The following RNF148 variants were observed in gnomAD, a reference collection of about 807,000 sequenced individuals.
RNF148 encodes the protein ring finger protein 148.
Under a neutral mutation model 21.1 loss-of-function variants are expected in RNF148, and 16 were observed. The observed-to-expected ratio is 0.76, with a 90% CI of 0.51 to 1.15. The LOEUF (loss-of-function observed/expected upper bound fraction) is 1.15. Ranked by LOEUF, RNF148 falls within the 50% of genes most tolerant of loss-of-function variation. The pLI is 0.00. For missense variants in RNF148, 424 were observed against 374.2 expected (o/e 1.13, Z -1.10); for synonymous variants, 150 against 136.4 (o/e 1.10, Z -0.69).
Position 122,701,781 on chromosome 7 carries a change from T to C in RNF148, c.*52A>G. The C allele has an allele frequency of 5.9e-6, 7 of 1,194,278 alleles. No individual in the cohort carries two copies. Among genetic ancestry groups the C allele is most frequent in the Non-Finnish European group, 8.3e-6 (7 of 838,532 alleles). 74.0% of individuals were successfully genotyped at this position (1,194,278 alleles called of 1,614,324 possible). On this transcript the variant is annotated 3_prime_UTR_variant, in exon 1 of 1. Coordinates refer to ENST00000434824, the MANE Select transcript of RNF148 (RefSeq NM_198085.2). ...AAGTACAATAAGACAATTTATCTAA[T>C]CTTTGTATTTGGAAAGATCTGGTTA...
rs1338710123 is a variant in RNF148, at chr7:122,702,802, T to C, written c.-52A>G. 4 of 1,341,416 alleles carry C rather than the reference T, an allele frequency of 3.0e-6. No homozygotes were observed. Among genetic ancestry groups the C allele is most frequent in the African/African-American group, 1.5e-5 (1 of 67,782 alleles). 83.1% of individuals were successfully genotyped at this position (1,341,416 alleles called of 1,614,324 possible). On this transcript the variant is annotated 5_prime_UTR_variant, in exon 1 of 1. Coordinates refer to ENST00000434824, the MANE Select transcript of RNF148 (RefSeq NM_198085.2). ...ACATGAGAAAACAAAACAACATCAG[T>C]TGTAGAAGAACATAAAGAAGATAGC...
rs1230113197 is a variant in RNF148, at chr7:122,702,684, T to C, written c.67A>G (p.Ile23Val). ...TCAGGAAAGCTAAGTAGTAGAAAGA[T>C]ACTAAGCCTCAAAAGTCCAGATGAA... ...SVSSGLLRLSIFLLLSFPDSN... is the reference protein window; with the variant it reads ...SVSSGLLRLSVFLLLSFPDSN... The change falls in exon 1 of 1, where the codon ATC (isoleucine) becomes GTC (valine). Residue 23 changes from isoleucine (I) to valine (V), a missense_variant. Transcript: ENST00000434824. 6 of 1,613,032 alleles carry C rather than the reference T, an allele frequency of 3.7e-6. No individual in the cohort carries two copies. Among genetic ancestry groups the C allele is most frequent in the East Asian group, 2.2e-5 (1 of 44,846 alleles).
In RNF148 at chr7:122,702,253, C is replaced by T. The variant is rs199764715; in HGVS notation, c.498G>A (p.Ser166=). The part of the protein sequence containing the change: ...SNLKGMEILH[S]IQKGVYVTVI... ...CTGTCACATAGACTCCTTTCTGAATCGAGTGCAAAATTTCCATGCCTTTCA... is the reference window on the plus strand; with the variant it reads ...CTGTCACATAGACTCCTTTCTGAATTGAGTGCAAAATTTCCATGCCTTTCA... The change falls in exon 1 of 1, where the codon TCG becomes TCA. Residue 166 remains serine (S), a synonymous_variant. Coordinates refer to ENST00000434824, the MANE Select transcript of RNF148 (RefSeq NM_198085.2). 52 of 1,613,820 alleles carry T rather than the reference C, an allele frequency of 3.2e-5. No individual in the cohort carries two copies. The highest frequency in any genetic ancestry group is 4.2e-5 in the Non-Finnish European group (49 of 1,179,774).
chr7:122,701,726 G>T lies in RNF148; in HGVS notation c.*107C>A. The T allele has an allele frequency of 1.4e-6, 1 of 701,714 alleles. No homozygotes were observed. The highest frequency in any genetic ancestry group is 2.3e-6 in the Non-Finnish European group (1 of 425,646). 43.5% of individuals were successfully genotyped at this position (701,714 alleles called of 1,614,324 possible). ...AAATTTCACCCTTGTTCATACTTGG[G>T]TAGAGAAGCTGAAATTTTCTCTCTA... is the stretch of plus-strand genomic sequence containing the variant. On this transcript the variant is annotated 3_prime_UTR_variant, in exon 1 of 1. Transcript: ENST00000434824.
Position 122,702,577 on chromosome 7 carries a change from C to A in RNF148, c.174G>T (p.Glu58Asp), listed in dbSNP as rs530037531. ...VGNEITSELG[E>D]SGVFGNHSPL... ...GAGAATGATTCCCGAACACTCCACT[C>A]TCTCCTAATTCCGATGTGATCTCAT... The change falls in exon 1 of 1, where the codon GAG becomes GAT. Residue 58 changes from glutamate (E) to aspartate (D), a missense_variant. By Grantham distance (45) the Glu-to-Asp change is conservative (BLOSUM62 2). Coordinates refer to ENST00000434824, the MANE Select transcript of RNF148 (RefSeq NM_198085.2). 8 of 1,613,508 alleles carry A rather than the reference C, an allele frequency of 5.0e-6. No homozygotes were observed. Among genetic ancestry groups the A allele is most frequent in the Middle Eastern group, 1.6e-4 (1 of 6,080 alleles).
rs368078936 is a variant in RNF148 at position 122,701,830 on chromosome 7, T to C, written c.*3A>G. 1.6e-5 allele frequency: 25 copies of C among 1,561,684 alleles called. 1 individual carries two copies. The highest frequency in any genetic ancestry group is 3.4e-4 in the Middle Eastern group (2 of 5,826). On this transcript the variant is annotated 3_prime_UTR_variant, in exon 1 of 1. Transcript: ENST00000434824. ...TACATCTTCAGAAAATTCTCCAGAT[T>C]TCTTAAGTTTTCAGGATGTCACACT...
Position 122,701,927 on chromosome 7 carries a change from G to C in RNF148, c.824C>G (p.Thr275Ser), listed in dbSNP as rs770832535. 1 of 1,613,576 alleles carries C rather than the reference G, an allele frequency of 6.2e-7. No individual in the cohort carries two copies. Among genetic ancestry groups the C allele is most frequent in the Non-Finnish European group, 8.5e-7 (1 of 1,179,600 alleles). The part of the protein sequence containing the change: ...YKPQDVVRIL[T>S]CKHFFHKACI... ...TGCCTTATGGAAAAAATGTTTGCAA[G>C]TTAAAATGCGTACTACATCTTGGGG... Residue 275 changes from threonine to serine, a missense_variant, in exon 1 of 1, where the codon ACT becomes AGT. Transcript: ENST00000434824.
chr7:122,702,915 A>G lies in RNF148; in HGVS notation c.-165T>C, dbSNP rs1248917070. 1 of 566,202 alleles carries G rather than the reference A, an allele frequency of 1.8e-6. No individual in the cohort carries two copies. The highest frequency in any genetic ancestry group is 1.9e-5 in the African/African-American group (1 of 52,974). The allele number at this position is 566,202 out of a possible 1,614,324, so 35.1% of individuals were successfully genotyped here. ...TGCTCCTTCCAGTATTTTAATATTTAGTAGATTATCTTTCTCATAATGAAA... is the reference window on the plus strand; with the variant it reads ...TGCTCCTTCCAGTATTTTAATATTTGGTAGATTATCTTTCTCATAATGAAA... On this transcript the variant is annotated 5_prime_UTR_variant, in exon 1 of 1. Coordinates refer to ENST00000434824, the MANE Select transcript of RNF148 (RefSeq NM_198085.2).
rs2086390863 is a variant in RNF148 at position 122,702,859 on chromosome 7, T to C, written c.-109A>G. 1 of 760,348 alleles carries C rather than the reference T, an allele frequency of 1.3e-6. No individual in the cohort carries two copies. The highest frequency in any genetic ancestry group is 3.0e-5 in the Admixed American group (1 of 33,850). The allele number at this position is 760,348 out of a possible 1,614,324, so 47.1% of individuals were successfully genotyped here. On this transcript the variant is annotated 5_prime_UTR_variant, in exon 1 of 1. Transcript: ENST00000434824. ...GCGGCAGATTACTAAAGCACATAAA[T>C]GGAAAAGGTCTCCCTGGATCAAAGC...
At position 122,702,756 on chromosome 7, in the gene RNF148, C is replaced by T; in HGVS notation, c.-6G>A. The T allele has an allele frequency of 6.3e-7, 1 of 1,582,890 alleles. No homozygotes were observed. Among genetic ancestry groups the T allele is most frequent in the South Asian group, 1.2e-5 (1 of 86,540 alleles). On this transcript the variant is annotated 5_prime_UTR_variant, in exon 1 of 1. It removes an upstream start codon present in the reference 5' UTR. Coordinates refer to ENST00000434824, the MANE Select transcript of RNF148 (RefSeq NM_198085.2). ...GTAATTCTAAGGAAGCTCATGCCTC[C>T]ATTTGTCTATTAAGAGACAAACATG...
chr7:122,701,809 T>G lies in RNF148; in HGVS notation c.*24A>C. On this transcript the variant is annotated 3_prime_UTR_variant, in exon 1 of 1. Coordinates refer to ENST00000434824, the MANE Select transcript of RNF148 (RefSeq NM_198085.2). The stretch of plus-strand genomic sequence containing the variant: ...TTGTATTTGGAAAGATCTGGTTACA[T>G]CTTCAGAAAATTCTCCAGATTTCTT... The G allele has an allele frequency of 1.4e-6, 2 of 1,449,642 alleles. No individual in the cohort carries two copies. The highest frequency in any genetic ancestry group is 1.8e-4 in the Middle Eastern group (1 of 5,566). The allele number at this position is 1,449,642 out of a possible 1,614,324, so 89.8% of individuals were successfully genotyped here.
At position 122,702,124 on chromosome 7, in the gene RNF148, G is replaced by T. The variant is rs753838190; in HGVS notation, c.627C>A (p.Cys209Ter). 15 of 1,613,412 alleles carry T rather than the reference G, an allele frequency of 9.3e-6. No homozygotes were observed. Among genetic ancestry groups the T allele is most frequent in the South Asian group, 8.8e-5 (8 of 91,088 alleles). ...GCACTCTAGGTGTAAGTCTCCAGACGCAATCTAAGTAAAAGTAGGCAATTG... is the reference window on the plus strand; with the variant it reads ...GCACTCTAGGTGTAAGTCTCCAGACTCAATCTAAGTAAAAGTAGGCAATTG... Reference protein sequence around the residue: ...AATIAYFYLDCVWRLTPRVPN... With the variant: ...AATIAYFYLD Residue 209 changes from cysteine (C) to a stop codon, truncating the protein, a stop_gained, in exon 1 of 1, where the codon TGC becomes TGA. Transcript: ENST00000434824. LOFTEE classifies it high-confidence loss of function.
In RNF148 at chr7:122,701,895, C is replaced by T. The variant is rs1396952831; in HGVS notation, c.856G>A (p.Asp286Asn). Reference sequence around the variant, plus strand: ...GTCCTATGGGCTAAAAGCCAGGGGTCAATGCATGCCTTATGGAAAAAATGT... The same window carrying T: ...GTCCTATGGGCTAAAAGCCAGGGGTTAATGCATGCCTTATGGAAAAAATGT... The part of the protein sequence containing the change: ...CKHFFHKACI[D>N]PWLLAHRTCP... Residue 286 changes from aspartate (D) to asparagine (N), a missense_variant, in exon 1 of 1, where the codon GAC becomes AAC. Coordinates refer to ENST00000434824, the MANE Select transcript of RNF148 (RefSeq NM_198085.2). 1 of 1,613,400 alleles carries T rather than the reference C, an allele frequency of 6.2e-7. No homozygotes were observed. The highest frequency in any genetic ancestry group is 8.5e-7 in the Non-Finnish European group (1 of 1,179,592).
Position 122,702,241 on chromosome 7 carries a change from T to G in RNF148, c.510A>C (p.Gly170=). The change falls in exon 1 of 1, where the codon GGA becomes GGC. Residue 170 remains glycine (G), a synonymous_variant. Coordinates refer to ENST00000434824, the MANE Select transcript of RNF148 (RefSeq NM_198085.2). ...CTTCAATGATGACTGTCACATAGACTCCTTTCTGAATCGAGTGCAAAATTT... is the reference window on the plus strand; with the variant it reads ...CTTCAATGATGACTGTCACATAGACGCCTTTCTGAATCGAGTGCAAAATTT... ...GMEILHSIQK[G]VYVTVIIEVG... 1 of 1,613,858 alleles carries G rather than the reference T, an allele frequency of 6.2e-7. No homozygotes were observed. Among genetic ancestry groups the G allele is most frequent in the Non-Finnish European group, 8.5e-7 (1 of 1,179,812 alleles).
chr7:122,702,339 T>A lies in RNF148; in HGVS notation c.412A>T (p.Lys138Ter), dbSNP rs571640067. The A allele has an allele frequency of 6.2e-7, 1 of 1,613,844 alleles. No homozygotes were observed. Among genetic ancestry groups the A allele is most frequent in the East Asian group, 2.2e-5 (1 of 44,872 alleles). ...IIYNYQGTGS[K>*]VFPMSHQGTE... ...CCCTGGTGAGACATGGGAAATACTT[T>A]ACTGCCCGTACCTTGATAGTTGTAG... The change falls in exon 1 of 1, where the codon AAA (lysine) becomes TAA (stop). Residue 138 changes from lysine (K) to a stop codon, truncating the protein, a stop_gained. Transcript: ENST00000434824. LOFTEE classifies it high-confidence loss of function.
rs2086384865 is a variant in RNF148, at chr7:122,702,827, C to G, written c.-77G>C. The G allele has an allele frequency of 8.7e-7, 1 of 1,146,070 alleles. No homozygotes were observed. Among genetic ancestry groups the G allele is most frequent in the South Asian group, 1.6e-5 (1 of 60,946 alleles). 71.0% of individuals were successfully genotyped at this position (1,146,070 alleles called of 1,614,324 possible). A position where few individuals can be genotyped will look rare whatever the true frequency, so the allele number is the denominator to read the frequency against. On this transcript the variant is annotated 5_prime_UTR_variant, in exon 1 of 1. Coordinates refer to ENST00000434824, the MANE Select transcript of RNF148 (RefSeq NM_198085.2). ...TTGTAGAAGAACATAAAGAAGATAG[C>G]TTGTTGGCGGCAGATTACTAAAGCA...
chr7:122,701,771 A>G lies in RNF148; in HGVS notation c.*62T>C. ...TCTCTACATAAAGTACAATAAGACAATTTATCTAATCTTTGTATTTGGAAA... is the reference window on the plus strand; with the variant it reads ...TCTCTACATAAAGTACAATAAGACAGTTTATCTAATCTTTGTATTTGGAAA... On this transcript the variant is annotated 3_prime_UTR_variant, in exon 1 of 1. Transcript: ENST00000434824. The G allele has an allele frequency of 8.8e-7, 1 of 1,130,816 alleles. No homozygotes were observed. Among genetic ancestry groups the G allele is most frequent in the South Asian group, 1.5e-5 (1 of 65,706 alleles). The allele number at this position is 1,130,816 out of a possible 1,614,324, so 70.0% of individuals were successfully genotyped here. A position where few individuals can be genotyped will look rare whatever the true frequency, so the allele number is the denominator to read the frequency against.
chr7:122,701,877 G>A lies in RNF148; in HGVS notation c.874C>T (p.His292Tyr). The stretch of plus-strand genomic sequence containing the variant: ...CACTTGCACATGGGACATGTCCTAT[G>A]GGCTAAAAGCCAGGGGTCAATGCAT... ...KACIDPWLLAHRTCPMCKCDI... is the reference protein window; with the variant it reads ...KACIDPWLLAYRTCPMCKCDI... The change falls in exon 1 of 1, where the codon CAT becomes TAT. Residue 292 changes from histidine to tyrosine, a missense_variant. Coordinates refer to ENST00000434824, the MANE Select transcript of RNF148 (RefSeq NM_198085.2). 1 of 1,613,090 alleles carries A rather than the reference G, an allele frequency of 6.2e-7. No homozygotes were observed. Among genetic ancestry groups the A allele is most frequent in the Non-Finnish European group, 8.5e-7 (1 of 1,179,368 alleles).
rs1389041967 is a variant in RNF148 at position 122,702,459 on chromosome 7, C to A, written c.292G>T (p.Ala98Ser). The A allele has an allele frequency of 1.9e-6, 3 of 1,613,752 alleles. No homozygotes were observed. Among genetic ancestry groups the A allele is most frequent in the Non-Finnish European group, 2.5e-6 (3 of 1,179,770 alleles). Residue 98 changes from alanine (A) to serine (S), a missense_variant, in exon 1 of 1, where the codon GCA becomes TCA. Ala to Ser is a moderately conservative substitution (Grantham distance 99, BLOSUM62 1). Coordinates refer to ENST00000434824, the MANE Select transcript of RNF148 (RefSeq NM_198085.2). ...TCGATGAGGGCCAGCCATGAGTCTG[C>A]CTGTTTGGGCCTGCTGAAATTGGTC... ...PLTNFSRPKQ[A>S]DSWLALIERG...
Sources: allele counts gnomAD v4.1 joint callset, GRCh38; gene constraint gnomAD v4.1.1; transcripts MANE v1.5; gene names NCBI Gene and HGNC (gene_info 2026-07-23, HGNC 2026-07-21).